Variants in MTA3 observed in about 807,000 individuals in gnomAD.
The protein encoded by MTA3 is metastasis associated 1 family member 3.
Under a neutral mutation model 83.5 loss-of-function variants are expected in MTA3, and 34 were observed. The observed-to-expected ratio is 0.41, with a 90% CI of 0.31 to 0.54. The LOEUF is 0.54. MTA3 is among the 20% of genes least tolerant of loss of function. MTA3 has a pLI of 0.33. For synonymous variants in MTA3, 303 were observed against 252.7 expected (o/e 1.20, Z -1.89); for missense variants, 761 against 726.4 (o/e 1.05, Z -0.55).
chr2:42,663,792 G>T (rs1194520390), intron 8 of MTA3, among the ~76,000 whole-genome samples: 1 of 152,122 alleles, frequency 6.6e-6, no homozygotes, highest in East Asian at 1.9e-4. Context: ...TGTAATACTT[G>T]CCTCTTATGC....
At chr2:42,541,212 G>A (rs1676504484) in intron 2 of MTA3, among the ~76,000 whole-genome samples, 1 of 152,044 alleles carries the variant, frequency 6.6e-6, no homozygotes, top group South Asian at 2.1e-4. Flanking sequence ...TGTATTTTTA[G>A]TAGAGATGGG....
chr2:42,539,070 G>A (rs575016817), intron 2 of MTA3, among the ~76,000 whole-genome samples: 12 of 152,062 alleles, frequency 7.9e-5, no homozygotes, highest in East Asian at 5.8e-4. Context: ...CACCGCTCCC[G>A]GCCTGAAAAA....
chr2:42,714,757 C>T (rs909734832), intron 14 of MTA3, among the ~76,000 whole-genome samples: 1 of 152,124 alleles, frequency 6.6e-6, no homozygotes, highest in African/African-American at 2.4e-5. Flanking sequence ...TGAAACTGTT[C>T]CACCTCAGAT....
At chr2:42,637,283 G>T (rs1687291807) in intron 4 of MTA3, among the ~76,000 whole-genome samples, 1 of 152,174 alleles carries the variant, frequency 6.6e-6, no homozygotes, top group Non-Finnish European at 1.5e-5. Flanking sequence ...TGATCTTTGT[G>T]TTGTGGTCTT....
chr2:42,674,284 GAAC>G (rs1691124981), intron 8 of MTA3, among the ~76,000 whole-genome samples: 1 of 152,232 alleles, frequency 6.6e-6, no homozygotes, highest in Admixed American at 6.5e-5. Flanking sequence ...AATATTTGCT[GAAC>G]AATAGTCCAA....
At chr2:42,505,637 C>T (rs1169015722) in intron 2 of MTA3, among the ~76,000 whole-genome samples, 2 of 151,920 alleles carry the variant, frequency 1.3e-5, no homozygotes, top group East Asian at 3.9e-4. Context: ...AGATAGTCTT[C>T]CAAAAGCCAC....
intron 3 of MTA3, among the ~76,000 whole-genome samples, chr2:42,579,988 C>G (rs1357103913): frequency 6.6e-6 from 1 of 152,076 alleles, no homozygotes; most frequent in African/African-American, 2.4e-5. Flanking sequence ...GTTGCCCAGG[C>G]TGGAGAGTGC....
At chr2:42,528,302 C>T (rs1675810433) in intron 2 of MTA3, among the ~76,000 whole-genome samples, 1 of 151,404 alleles carries the variant, frequency 6.6e-6, no homozygotes, top group African/African-American at 2.4e-5. Context: ...CTCCTGCAGC[C>T]TCCGCCTCCC....
intron 3 of MTA3, among the ~76,000 whole-genome samples, chr2:42,596,174 A>C (rs1310936903): frequency 6.6e-6 from 1 of 152,186 alleles, no homozygotes. Context: ...TTACATTTTG[A>C]GAACATAGCC....
chr2:42,612,055 G>A (rs1216996458), intron 4 of MTA3, among the ~76,000 whole-genome samples: 3 of 152,110 alleles, frequency 2.0e-5, no homozygotes, highest in Non-Finnish European at 4.4e-5. Context: ...GGAAAAGACA[G>A]TTAGGCCGGG....
chr2:42,594,720 A>ATT (rs1382175437), intron 3 of MTA3, among the ~76,000 whole-genome samples: 3 of 37,380 alleles, frequency 8.0e-5, no homozygotes, highest in East Asian at 5.5e-4. Flanking sequence ...ATATATATAT[A>ATT]TATATATATT....
At chr2:42,574,190 A>G (rs1402910904) in intron 2 of MTA3, among the ~76,000 whole-genome samples, 1 of 142,606 alleles carries the variant, frequency 7.0e-6, no homozygotes, top group Non-Finnish European at 1.5e-5. Context: ...GCTGGAGTAC[A>G]ATGGTGCAAC....
chr2:42,539,627 G>C (rs1019362636), intron 2 of MTA3, among the ~76,000 whole-genome samples: 2 of 148,400 alleles, frequency 1.3e-5, no homozygotes, highest in African/African-American at 5.0e-5. Flanking sequence ...TGTCTCCCGG[G>C]CTAGAATGCA....
At position 42,524,482 on chromosome 2, in the gene MTA3, T is replaced by TTG. The variant is rs1553337450; in HGVS notation, c.-141+29229_-141+29230insGT. Among the ~76,000 whole-genome samples the TTG allele has an allele frequency of 6.6e-4, 41 of 62,470 alleles. 1 individual carries two copies. In the East Asian group the frequency reaches 0.012, roughly 18 times the overall value. The allele number at this position is 62,470 out of a possible 152,430, so 41.0% of individuals were successfully genotyped here. On this transcript the variant is annotated intron_variant, in intron 2 of 17. Transcript: ENST00000405592. ...CGCCTGGCTAGTTGTGTTTTTTTTT[T>TTG]TTTTTTTTTTTTTTGTATTTTTTAG...
intron 15 of MTA3, among the ~76,000 whole-genome samples, chr2:42,719,836 T>G (rs904080339): frequency 2.6e-5 from 4 of 152,224 alleles, no homozygotes; most frequent in Admixed American, 2.0e-4. Flanking sequence ...AAAATTACTA[T>G]GCAATAATCT....
At chr2:42,701,566 C>A (rs558609913) in intron 11 of MTA3, among the ~76,000 whole-genome samples, 16 of 152,080 alleles carry the variant, frequency 1.1e-4, no homozygotes, top group African/African-American at 3.9e-4. Flanking sequence ...CACTACACAC[C>A]AGCCTGGGTG....
At chr2:42,630,882 G>A (rs1686607801) in intron 4 of MTA3, among the ~76,000 whole-genome samples, 1 of 152,112 alleles carries the variant, frequency 6.6e-6, no homozygotes, top group African/African-American at 2.4e-5. Context: ...TATGTCTATT[G>A]AGACCTTTTT....
In MTA3 at chr2:42,729,086, G is replaced by GTTTTTTGTTTTTTTTTTT. The variant is rs1430675726; in HGVS notation, c.1759+6057_1759+6058insGTTTTTTTTTTTTTTTTT. On this transcript the variant is annotated intron_variant, in intron 16 of 16. Transcript: ENST00000405094. Reference sequence around the variant, plus strand: ...TTCTTTTATTAGTTTCACAGTTTGAGTTTTTTTTTTTTTTTTTTTTTTTTT... The same window carrying GTTTTTTGTTTTTTTTTTT: ...TTCTTTTATTAGTTTCACAGTTTGAGTTTTTTGTTTTTTTTTTTTTTTTTTTTTTTTTTTTTTTTTTTT... Among the ~76,000 whole-genome samples the GTTTTTTGTTTTTTTTTTT allele has an allele frequency of 2.2e-3, 133 of 60,112 alleles. 30 individuals carry two copies. Among genetic ancestry groups the GTTTTTTGTTTTTTTTTTT allele is most frequent in the South Asian group, 3.1e-3 (4 of 1,294 alleles). 39.4% of individuals were successfully genotyped at this position (60,112 alleles called of 152,430 possible). A position where few individuals can be genotyped will look rare whatever the true frequency, so the allele number is the denominator to read the frequency against.
chr2:42,532,097 T>C (rs1235101540), intron 2 of MTA3, among the ~76,000 whole-genome samples: 4 of 152,242 alleles, frequency 2.6e-5, no homozygotes, highest in Non-Finnish European at 5.9e-5. Flanking sequence ...GTATTAAACT[T>C]TCCCTGAGCT....
Sources: gnomAD v4.1 joint callset for allele counts (sites outside exome capture counted in the v4.1 genomes callset) on GRCh38, gnomAD v4.1.1 for gene constraint, MANE v1.5 for transcripts, NCBI Gene and HGNC (gene_info 2026-07-23, HGNC 2026-07-21) for gene names.